Variants in FREM1 observed in about 807,000 individuals in gnomAD.
FREM1 encodes FRAS1-related extracellular matrix protein 1.
In FREM1, 220 loss-of-function variants were observed where a neutral mutation model predicts 210.1. That is an observed-to-expected ratio of 1.05 (90% CI 0.94 to 1.17). FREM1 has a LOEUF of 1.17. Among genes scored for constraint, FREM1 ranks in the 50% most tolerant of loss-of-function variants. The pLI is 0.00. For synonymous variants in FREM1, 1,189 were observed against 980.2 expected, an observed-to-expected ratio of 1.21 and a Z score of -3.98; for missense variants, 3,454 against 2,675.5, an observed-to-expected ratio of 1.29 and a Z score of -6.42.
intron 16 of FREM1, among the ~76,000 whole-genome samples, chr9:14,812,079 A>G (rs1819502297): frequency 1.3e-5 from 2 of 152,180 alleles, no homozygotes; most frequent in South Asian, 4.1e-4. Context: ...TCACACTGTC[A>G]TCTTTGCATG....
At chr9:14,799,212 G>A (rs903050782) in intron 20 of FREM1, among the ~76,000 whole-genome samples, 2 of 151,810 alleles carry the variant, frequency 1.3e-5, no homozygotes, top group African/African-American at 2.4e-5. Flanking sequence ...CTTGAGCCCT[G>A]GAAGTCCAGG....
intron 2 of FREM1, among the ~76,000 whole-genome samples, chr9:14,865,572 T>C (rs774290460): frequency 8.5e-5 from 13 of 152,148 alleles, no homozygotes; most frequent in Non-Finnish European, 1.0e-4. Flanking sequence ...CAGCAGGGTG[T>C]TGTTAATACA....
At chr9:14,767,349 G>A (rs140181401) in intron 27 of FREM1, among the ~76,000 whole-genome samples, 1 of 152,134 alleles carries the variant, frequency 6.6e-6, no homozygotes, top group Admixed American at 6.6e-5. Context: ...AGACAAGTCT[G>A]GTGTTCCATT....
intron 23 of FREM1, among the ~76,000 whole-genome samples, chr9:14,787,988 A>T (rs1255742564): frequency 3.9e-5 from 6 of 152,200 alleles, no homozygotes; most frequent in Admixed American, 3.9e-4. Flanking sequence ...AACTGAATTA[A>T]TTTTTTAAAA....
intron 6 of FREM1, among the ~76,000 whole-genome samples, chr9:14,849,675 T>C (rs1827311769): frequency 6.6e-6 from 1 of 152,182 alleles, no homozygotes; most frequent in Non-Finnish European, 1.5e-5. Flanking sequence ...AGGTGTCTTT[T>C]TTGGAGGGGT....
intron 24 of FREM1, among the ~76,000 whole-genome samples, chr9:14,777,588 T>A (rs2132669452): frequency 6.6e-6 from 1 of 152,336 alleles, no homozygotes; most frequent in South Asian, 2.1e-4. Context: ...GTATAAACTA[T>A]ACATAACATT....
At position 14,863,880 on chromosome 9, in the gene FREM1, G is replaced by A; in HGVS notation, c.258C>T (p.Pro86=). 6.2e-7 allele frequency: 1 copy of A among 1,611,752 alleles called. No homozygotes were observed. Among genetic ancestry groups the A allele is most frequent in the South Asian group, 1.1e-5 (1 of 90,968 alleles). Reference sequence around the variant, plus strand: ...CATTGTGAACATACTTGACTTCGTTGGGAAGGAAATGGCAGTCAAAGACCT... The same window carrying A: ...CATTGTGAACATACTTGACTTCGTTAGGAAGGAAATGGCAGTCAAAGACCT... ...TPQVFDCHFL[P]NEVKYVHNGC... Residue 86 remains proline, a synonymous_variant, in exon 3 of 37, where the codon CCC becomes CCT. Coordinates refer to ENST00000380880, the MANE Select transcript of FREM1 (RefSeq NM_001379081.2).
In FREM1 at chr9:14,792,272, G is replaced by GCACACACACA. The variant is rs34037291; in HGVS notation, c.3981+461_3981+470dup. On this transcript the variant is annotated intron_variant, in intron 22 of 36. Transcript: ENST00000380880. ...GAAATACACACACCCACACACACAC[G>GCACACACACA]CACACACACACACACACACACACAC... is the stretch of plus-strand genomic sequence containing the variant. Among the ~76,000 whole-genome samples the GCACACACACA allele has an allele frequency of 5.1e-3, 723 of 142,260 alleles. 2 individuals carry two copies. Among genetic ancestry groups the GCACACACACA allele is most frequent in the African/African-American group, 0.017 (640 of 37,382 alleles). 93.3% of individuals were successfully genotyped at this position (142,260 alleles called of 152,430 possible).
chr9:14,891,627 G>A (rs528313715), intron 1 of FREM1, among the ~76,000 whole-genome samples: 1 of 152,312 alleles, frequency 6.6e-6, no homozygotes, highest in South Asian at 2.1e-4. Context: ...TATGGTATAG[G>A]ACTAAATAGG....
chr9:14,859,840 T>C (rs1022456955), intron 3 of FREM1, among the ~76,000 whole-genome samples: 19 of 152,320 alleles, frequency 1.2e-4, no homozygotes, highest in African/African-American at 4.1e-4. Flanking sequence ...TGACTTTTAA[T>C]TCAGGAGTGA....
chr9:14,899,744 G>A (rs185542439), intron 1 of FREM1, among the ~76,000 whole-genome samples: 2 of 152,314 alleles, frequency 1.3e-5, no homozygotes, highest in South Asian at 2.1e-4. Flanking sequence ...AGGTAGAAAC[G>A]TATTTACTGT....
intron 29 of FREM1, among the ~76,000 whole-genome samples, chr9:14,753,242 T>A (rs992414404): frequency 4.6e-5 from 7 of 152,196 alleles, no homozygotes; most frequent in Admixed American, 1.3e-4. Flanking sequence ...ACAGAGTAGG[T>A]GAGTTCCTGG....
At chr9:14,828,301 C>G (rs1179514057) in intron 10 of FREM1, among the ~76,000 whole-genome samples, 2 of 152,224 alleles carry the variant, frequency 1.3e-5, no homozygotes, top group Non-Finnish European at 2.9e-5. Context: ...TCACAAGCCT[C>G]AAGACTTAAT....
Position 14,804,942 on chromosome 9 carries a change from G to C in FREM1, c.3471+14C>G. 4.5e-6 allele frequency: 7 copies of C among 1,570,854 alleles called. No individual in the cohort carries two copies. The South Asian group carries it at 4.5e-5, about 10-fold the overall frequency. ...TGATAAAAGAGAAATGGAACATTTG[G>C]ATATGTTTCTTACAGTAATATTCTG... On this transcript the variant is annotated intron_variant, in intron 19 of 36. Coordinates refer to ENST00000380880, the MANE Select transcript of FREM1 (RefSeq NM_001379081.2).
chr9:14,741,415 T>C (rs1764678372), intron 35 of FREM1, among the ~76,000 whole-genome samples: 1 of 152,196 alleles, frequency 6.6e-6, no homozygotes, highest in Non-Finnish European at 1.5e-5. Context: ...TAGGCCTTCT[T>C]AGATATATAA....
At chr9:14,761,619 T>C (rs764736276) in intron 27 of FREM1, among the ~76,000 whole-genome samples, 4 of 152,196 alleles carry the variant, frequency 2.6e-5, no homozygotes, top group Non-Finnish European at 4.4e-5. Flanking sequence ...CTGAAAATAT[T>C]AAGTGAAAAA....
rs1845140694 is a variant in FREM1 at position 14,759,788 on chromosome 9, G to C, written c.5318C>G (p.Ala1773Gly). 6.2e-7 allele frequency: 1 copy of C among 1,608,070 alleles called. No homozygotes were observed. Among genetic ancestry groups the C allele is most frequent in the African/African-American group, 1.3e-5 (1 of 74,730 alleles). The change falls in exon 28 of 37, where the codon GCC (alanine) becomes GGC (glycine). Residue 1773 changes from alanine (A) to glycine (G), a missense_variant. Physicochemically the swap from Ala to Gly is moderately conservative, Grantham distance 60. Coordinates refer to ENST00000380880, the MANE Select transcript of FREM1 (RefSeq NM_001379081.2). The stretch of plus-strand genomic sequence containing the variant: ...AGTCATTACCTTTATACCCACAAAG[G>C]CCGAGTCCATGGAATATCCCCTTCT... ...IIRRGYSMDS[A>G]FVGIKVNQVS...
chr9:14,840,777 T>C (rs1825539528), intron 10 of FREM1, among the ~76,000 whole-genome samples: 1 of 152,208 alleles, frequency 6.6e-6, no homozygotes, highest in African/African-American at 2.4e-5. Context: ...AGGAGTCTAC[T>C]CTATTATAGT....
At chr9:14,884,490 T>A (rs1835418676) in intron 1 of FREM1, among the ~76,000 whole-genome samples, 1 of 152,238 alleles carries the variant, frequency 6.6e-6, no homozygotes, top group Non-Finnish European at 1.5e-5. Context: ...AAACACGCTG[T>A]TTTGAATTCT....
Sources: allele counts gnomAD v4.1 joint callset (sites outside exome capture counted in the v4.1 genomes callset), GRCh38; gene constraint gnomAD v4.1.1; transcripts MANE v1.5; gene names NCBI Gene and HGNC (gene_info 2026-07-23, HGNC 2026-07-21).